Variants in GABRB1 observed in about 807,000 individuals in gnomAD.
GABRB1 encodes the protein gamma-aminobutyric acid type A receptor subunit beta1, also known as gamma-aminobutyric acid receptor subunit beta-1.
A neutral mutation model predicts 51.6 loss-of-function variants in GABRB1; 17 were observed. The ratio of observed to expected loss-of-function variants is 0.33; its 90% confidence interval spans 0.23 to 0.49. The LOEUF (loss-of-function observed/expected upper bound fraction) is 0.49. Among genes scored for constraint, GABRB1 ranks in the 20% least tolerant of loss-of-function variants. GABRB1 has a pLI of 0.99. For synonymous variants in GABRB1, 247 were observed against 218.9 expected (o/e 1.13, Z -1.14); for missense variants, 410 against 600.6 (o/e 0.68, Z 3.32).
chr4:47,348,656 AC>A (rs1245011132), intron 5 of GABRB1, among the ~76,000 whole-genome samples: 13 of 152,206 alleles, frequency 8.5e-5, no homozygotes, highest in African/African-American at 3.1e-4. Context: ...TAGAGGACTG[AC>A]CCTCCAGATT....
chr4:47,195,133 G>A (rs974019433), intron 4 of GABRB1, among the ~76,000 whole-genome samples: 3 of 152,104 alleles, frequency 2.0e-5, no homozygotes, highest in East Asian at 3.9e-4. Context: ...TTGGGAGGCC[G>A]AGGCAGGCGG....
At chr4:47,373,112 G>C (rs1331884598) in intron 5 of GABRB1, among the ~76,000 whole-genome samples, 2 of 152,202 alleles carry the variant, frequency 1.3e-5, no homozygotes, top group African/African-American at 4.8e-5. Context: ...CTTCCTTGCA[G>C]CTGTTCCCAG....
At chr4:47,330,118 G>T (rs773975796) in intron 5 of GABRB1, among the ~76,000 whole-genome samples, 2 of 152,136 alleles carry the variant, frequency 1.3e-5, no homozygotes, top group Non-Finnish European at 2.9e-5. Flanking sequence ...CAGTTTCAGG[G>T]TAGTCAGACA....
chr4:47,266,980 A>G (rs1722663628), intron 4 of GABRB1, among the ~76,000 whole-genome samples: 2 of 152,142 alleles, frequency 1.3e-5, no homozygotes, highest in Admixed American at 6.6e-5. Context: ...ACAGTAAAAA[A>G]GAACAAAGAA....
intron 3 of GABRB1, among the ~76,000 whole-genome samples, chr4:47,048,975 A>G (rs910094895): frequency 1.3e-5 from 2 of 151,982 alleles, no homozygotes; most frequent in African/African-American, 2.4e-5. Flanking sequence ...ATAAGGAAGG[A>G]AAGTGGTTGC....
chr4:47,367,439 C>T (rs531738624), intron 5 of GABRB1, among the ~76,000 whole-genome samples: 38 of 152,276 alleles, frequency 2.5e-4, no homozygotes, highest in Admixed American at 4.6e-4. Context: ...GGCGGCTCTA[C>T]GGAGTCAACC....
chr4:47,379,943 G>A (rs1199659573), intron 5 of GABRB1, among the ~76,000 whole-genome samples: 2 of 152,082 alleles, frequency 1.3e-5, no homozygotes, highest in African/African-American at 2.4e-5. Flanking sequence ...CCTAATGTTT[G>A]CTGTAAGGTT....
chr4:47,250,609 T>C (rs1441776357), intron 4 of GABRB1, among the ~76,000 whole-genome samples: 1 of 152,154 alleles, frequency 6.6e-6, no homozygotes, highest in African/African-American at 2.4e-5. Context: ...TTTGGTCATT[T>C]AACATAATCC....
At chr4:47,294,884 C>G (rs193212094) in intron 4 of GABRB1, among the ~76,000 whole-genome samples, 3 of 152,294 alleles carry the variant, frequency 2.0e-5, no homozygotes, top group Admixed American at 1.3e-4. Flanking sequence ...ACACCTCACA[C>G]GGCCGGGTAC....
chr4:47,115,134 C>G (rs1284762767), intron 3 of GABRB1, among the ~76,000 whole-genome samples: 2 of 152,158 alleles, frequency 1.3e-5, no homozygotes, highest in Non-Finnish European at 2.9e-5. Flanking sequence ...ATATCTCAAG[C>G]CTTCATGGTT....
chr4:47,040,169 T>C (rs1411686325), intron 3 of GABRB1, among the ~76,000 whole-genome samples: 1 of 152,144 alleles, frequency 6.6e-6, no homozygotes, highest in Non-Finnish European at 1.5e-5. Flanking sequence ...GATAAAGAAG[T>C]GATGCTGGAA....
intron 7 of GABRB1, among the ~76,000 whole-genome samples, chr4:47,404,315 G>T (rs1355950576): frequency 1.3e-5 from 2 of 152,064 alleles, no homozygotes; most frequent in Non-Finnish European, 2.9e-5. Context: ...TCCTGTCATG[G>T]TTAATTAATT....
chr4:47,259,733 C>A (rs558455053), intron 4 of GABRB1, among the ~76,000 whole-genome samples: 17 of 152,164 alleles, frequency 1.1e-4, no homozygotes, highest in Non-Finnish European at 1.6e-4. Context: ...ATACTATAAA[C>A]TTCATATCTG....
At chr4:47,259,845 A>G (rs1284069957) in intron 4 of GABRB1, among the ~76,000 whole-genome samples, 3 of 152,150 alleles carry the variant, frequency 2.0e-5, no homozygotes, top group Non-Finnish European at 4.4e-5. Flanking sequence ...AACCTCATGA[A>G]GAAGCTAAAA....
Position 47,136,517 on chromosome 4 carries a change from TA to T in GABRB1, c.241-24723del, listed in dbSNP as rs1553918409. On this transcript the variant is annotated intron_variant, in intron 3 of 8. Transcript: ENST00000295454. ...GATGTCTCTCTTACAAAGACCAAATTAAAAAAAAATATATAAAAACAAAGAA... is the reference window on the plus strand; with the variant it reads ...GATGTCTCTCTTACAAAGACCAAATTAAAAAAAATATATAAAAACAAAGAA... Among the ~76,000 whole-genome samples, 35 of 139,022 alleles carry T rather than the reference TA, an allele frequency of 2.5e-4. No individual in the cohort carries two copies. In the South Asian group the frequency reaches 5.7e-3, roughly 23 times the overall value. 91.2% of individuals were successfully genotyped at this position (139,022 alleles called of 152,430 possible).
intron 4 of GABRB1, among the ~76,000 whole-genome samples, chr4:47,191,093 C>T (rs1450463491): frequency 1.3e-5 from 2 of 152,064 alleles, no homozygotes; most frequent in Non-Finnish European, 2.9e-5. Context: ...AATATACCTA[C>T]ACAGAAGACA....
intron 4 of GABRB1, among the ~76,000 whole-genome samples, chr4:47,246,448 T>A (rs1721765082): frequency 7.1e-6 from 1 of 140,926 alleles, no homozygotes; most frequent in Non-Finnish European, 1.6e-5. Context: ...TTTGGGTTGG[T>A]TCCACTATTT....
chr4:47,167,181 T>A (rs1235724372), intron 4 of GABRB1, among the ~76,000 whole-genome samples: 1 of 152,074 alleles, frequency 6.6e-6, no homozygotes. Context: ...GCTGCAACAT[T>A]TTCTATATCT....
At chr4:47,036,891 A>C (rs1169321730) in intron 3 of GABRB1, among the ~76,000 whole-genome samples, 1 of 152,136 alleles carries the variant, frequency 6.6e-6, no homozygotes, top group Admixed American at 6.5e-5. Context: ...AAAAAGAAAG[A>C]AAAGTAAAGA....
Sources: gnomAD v4.1 joint callset for allele counts (sites outside exome capture counted in the v4.1 genomes callset) on GRCh38, gnomAD v4.1.1 for gene constraint, MANE v1.5 for transcripts, NCBI Gene and HGNC (gene_info 2026-07-23, HGNC 2026-07-21) for gene names.